ZBTB7C: variants seen among roughly 807,000 people sequenced by gnomAD.
The protein encoded by ZBTB7C is zinc finger and BTB domain containing 7C.
ZBTB7C carries 8 observed loss-of-function variants against 25.7 expected under a neutral mutation model. That is an observed-to-expected ratio of 0.31 (90% CI 0.18 to 0.56). The LOEUF (loss-of-function observed/expected upper bound fraction) is 0.56, where lower values mean the gene tolerates loss of function less well. Among genes scored for constraint, ZBTB7C ranks in the 20% least tolerant of loss-of-function variants. The pLI is 0.91. For synonymous variants in ZBTB7C, 394 were observed against 369.0 expected, an observed-to-expected ratio of 1.07 and a Z score of -0.78; for missense variants, 824 against 855.2, an observed-to-expected ratio of 0.96 and a Z score of 0.46.
intron 3 of ZBTB7C, among the ~76,000 whole-genome samples, chr18:48,165,928 T>C (rs1839123364): frequency 6.6e-6 from 1 of 152,222 alleles, no homozygotes; most frequent in African/African-American, 2.4e-5. Flanking sequence ...CTTTCCCTCT[T>C]TTTAAAATGA....
rs957780277 is a variant in ZBTB7C at position 48,119,293 on chromosome 18, C to T, written c.-17+66641G>A. On this transcript the variant is annotated intron_variant, in intron 3 of 4. Transcript: ENST00000590800. ...AACAATGGCACCTGATCTTCTTAAT[C>T]TTTGAGACTGATAAATTGTTTCCAC... 2.0e-5 allele frequency among the ~76,000 whole-genome samples: 3 copies of T among 152,236 alleles called. No homozygotes were observed. The South Asian group carries it at 6.2e-4, about 31-fold the overall frequency.
chr18:48,361,644 C>T (rs1172476213), intron 1 of ZBTB7C, among the ~76,000 whole-genome samples: 1 of 152,186 alleles, frequency 6.6e-6, no homozygotes, highest in African/African-American at 2.4e-5. Flanking sequence ...CAGTGGGTCT[C>T]AACCCCAGGG....
chr18:48,190,571 A>G (rs2042169112), intron 2 of ZBTB7C, among the ~76,000 whole-genome samples: 1 of 152,164 alleles, frequency 6.6e-6, no homozygotes, highest in South Asian at 2.1e-4. Context: ...CTCTACCTAT[A>G]TGACTTGTGA....
intron 2 of ZBTB7C, among the ~76,000 whole-genome samples, chr18:48,292,809 G>T (rs2045272332): frequency 6.6e-6 from 1 of 152,192 alleles, no homozygotes; most frequent in Admixed American, 6.5e-5. Flanking sequence ...AAACAGCAAG[G>T]TGAGAAAAAG....
At position 48,060,319 on chromosome 18, in the gene ZBTB7C, G is replaced by A. The variant is rs969174316; in HGVS notation, c.-16-19196C>T. Among the ~76,000 whole-genome samples, 16 of 152,162 alleles carry A rather than the reference G, an allele frequency of 1.1e-4. No homozygotes were observed. The East Asian group carries it at 2.7e-3, about 26-fold the overall frequency. On this transcript the variant is annotated intron_variant, in intron 3 of 4. Coordinates refer to ENST00000590800, the MANE Select transcript of ZBTB7C (RefSeq NM_001318841.2). ...AGGAAAGGCAGGGCATGCAGGGAGC[G>A]GGGATGGGGATGGCCACCCTTCACT...
chr18:48,177,080 A>G (rs764567158), intron 3 of ZBTB7C, among the ~76,000 whole-genome samples: 3 of 152,254 alleles, frequency 2.0e-5, no homozygotes, highest in Non-Finnish European at 2.9e-5. Flanking sequence ...CTTCACTGGT[A>G]GTGTTTTCAT....
chr18:48,066,828 G>A (rs1290987647), intron 3 of ZBTB7C, among the ~76,000 whole-genome samples: 2 of 152,248 alleles, frequency 1.3e-5, no homozygotes, highest in Non-Finnish European at 2.9e-5. Context: ...TCTGCCGGGT[G>A]TGGTGGCTCA....
intron 3 of ZBTB7C, among the ~76,000 whole-genome samples, chr18:48,161,138 C>G (rs982671297): frequency 6.6e-6 from 1 of 151,178 alleles, no homozygotes; most frequent in Non-Finnish European, 1.5e-5. Context: ...TGGGGGGGAC[C>G]CAGAAGGGAC....
chr18:48,382,368 GGCCAAGCCAATATCGCTAAACTTCACTAT>G (rs2145212432), intron 1 of ZBTB7C, among the ~76,000 whole-genome samples: 1 of 152,304 alleles, frequency 6.6e-6, no homozygotes, highest in Non-Finnish European at 1.5e-5. Context: ...CAAATAATGA[GGCCAAGCCAATATCGCTAAACTTCACTAT>G]GCCACGGCTA....
At chr18:48,091,105 G>A (rs1467640796) in intron 3 of ZBTB7C, among the ~76,000 whole-genome samples, 2 of 151,018 alleles carry the variant, frequency 1.3e-5, no homozygotes, top group Admixed American at 6.6e-5. Flanking sequence ...ACAGGGTCTC[G>A]CTCTGTCACC....
chr18:48,176,922 G>A (rs979998674), intron 3 of ZBTB7C, among the ~76,000 whole-genome samples: 1 of 152,246 alleles, frequency 6.6e-6, no homozygotes, highest in Non-Finnish European at 1.5e-5. Flanking sequence ...GTGTGGCCTT[G>A]GAGAATTCAC....
intron 3 of ZBTB7C, among the ~76,000 whole-genome samples, chr18:48,050,266 C>T (rs1411477375): frequency 6.6e-6 from 1 of 152,172 alleles, no homozygotes; most frequent in Non-Finnish European, 1.5e-5. Context: ...GGCAGTTTCC[C>T]CAAGCAAGGT....
At chr18:48,103,130 A>ATCTATCTG (rs1555692183) in intron 3 of ZBTB7C, among the ~76,000 whole-genome samples, 3 of 140,738 alleles carry the variant, frequency 2.1e-5, no homozygotes, top group Admixed American at 7.3e-5. Context: ...CTATCTATCT[A>ATCTATCTG]TCTATCTATC....
chr18:48,059,196 T>A (rs896505629), intron 3 of ZBTB7C, among the ~76,000 whole-genome samples: 1 of 152,192 alleles, frequency 6.6e-6, no homozygotes, highest in African/African-American at 2.4e-5. Flanking sequence ...CCATTTATTT[T>A]TTTTTGCCTG....
intron 3 of ZBTB7C, among the ~76,000 whole-genome samples, chr18:48,088,836 A>G (rs914011739): frequency 6.8e-6 from 1 of 147,922 alleles, no homozygotes; most frequent in Non-Finnish European, 1.5e-5. Context: ...TCTCAGAAAA[A>G]ATAAAAATAA....
chr18:48,095,157 G>A (rs1255710156), intron 3 of ZBTB7C, among the ~76,000 whole-genome samples: 4 of 152,130 alleles, frequency 2.6e-5, no homozygotes, highest in Non-Finnish European at 5.9e-5. Context: ...ACATGCATCA[G>A]AACTTAGACA....
chr18:48,339,428 T>C (rs2046540011), intron 1 of ZBTB7C, among the ~76,000 whole-genome samples: 1 of 152,242 alleles, frequency 6.6e-6, no homozygotes, highest in Admixed American at 6.5e-5. Flanking sequence ...ACATATATAA[T>C]GATTAGACTC....
intron 3 of ZBTB7C, among the ~76,000 whole-genome samples, chr18:48,147,305 T>C (rs2040523921): frequency 6.6e-6 from 1 of 152,214 alleles, no homozygotes; most frequent in Admixed American, 6.5e-5. Flanking sequence ...CTCGAACTCC[T>C]GACCTGAAGT....
Position 48,041,066 on chromosome 18 carries a change from G to A in ZBTB7C, c.42C>T (p.Pro14=). 6.2e-7 allele frequency: 1 copy of A among 1,609,334 alleles called. No individual in the cohort carries two copies. The highest frequency in any genetic ancestry group is 8.5e-7 in the Non-Finnish European group (1 of 1,176,472). ...TGCACAGGACCTCACTGCTGTGGTT[G>A]GGGAAGGGAATGCCAATGAGCTCAT... ...DIDELIGIPF[P]NHSSEVLCSL... The change falls in exon 4 of 5, where the codon CCC becomes CCT. Residue 14 remains proline, a synonymous_variant. Transcript: ENST00000590800.
Sources: gnomAD v4.1 joint callset for allele counts (sites outside exome capture counted in the v4.1 genomes callset) on GRCh38, gnomAD v4.1.1 for gene constraint, MANE v1.5 for transcripts, NCBI Gene and HGNC (gene_info 2026-07-23, HGNC 2026-07-21) for gene names.